GMEB1: variants seen among roughly 807,000 people sequenced by gnomAD.
The protein encoded by GMEB1 is glucocorticoid modulatory element binding protein 1.
GMEB1 carries 6 observed loss-of-function variants against 52.4 expected under a neutral mutation model. The ratio of observed to expected loss-of-function variants is 0.11; its 90% confidence interval spans 0.06 to 0.23. The LOEUF is 0.23. Among genes scored for constraint, GMEB1 ranks in the 10% least tolerant of loss-of-function variants. The probability of loss-of-function intolerance (pLI) is 1.00; values close to 1 mark genes in which losing one functional copy is unlikely to be tolerated. For synonymous variants in GMEB1, 255 were observed against 244.9 expected (o/e 1.04, Z -0.38); for missense variants, 486 against 685.6 (o/e 0.71, Z 3.25).
intron 9 of GMEB1, among the ~76,000 whole-genome samples, chr1:28,712,792 G>T (rs1285994448): frequency 6.6e-6 from 1 of 151,512 alleles, no homozygotes; most frequent in African/African-American, 2.4e-5. Context: ...AGCCAAGATC[G>T]CGCCATCACA....
intron 1 of GMEB1, among the ~76,000 whole-genome samples, chr1:28,672,996 A>G (rs1281420072): frequency 1.3e-5 from 2 of 151,720 alleles, no homozygotes; most frequent in African/African-American, 4.8e-5. Context: ...CCCGGGTTCA[A>G]GTGGTTCTCC....
chr1:28,683,488 C>A, intron 1 of GMEB1, 95 bp from the exon 2 acceptor site: 1 of 1,077,632 alleles, frequency 9.3e-7, no homozygotes. Context: ...CTAGGCCTCC[C>A]AAAGTGCTGG....
chr1:28,704,897 C>T lies in GMEB1; in HGVS notation c.868+568C>T, dbSNP rs140615988. The stretch of plus-strand genomic sequence containing the variant: ...TGCTGGGATTACAGGCATGAGCCAC[C>T]GCTCCCAGCCTACAAAAAACTTTCT... On this transcript the variant is annotated intron_variant, in intron 8 of 9. Transcript: ENST00000373816. Among the ~76,000 whole-genome samples the T allele has an allele frequency of 1.4e-3, 206 of 151,920 alleles. 1 individual carries two copies. Among genetic ancestry groups the T allele is most frequent in the Middle Eastern group, 3.4e-3 (1 of 294 alleles).
chr1:28,715,083 C>T lies in GMEB1; in HGVS notation c.*310C>T, dbSNP rs1021815350. On this transcript the variant is annotated 3_prime_UTR_variant, in exon 10 of 10. Transcript: ENST00000373816. ...CTGTCCAGAAAGCCATTTCCAGGCT[C>T]GTCTGTGTGTGTAGGCATGTGGTTT... 1.0e-5 allele frequency: 3 copies of T among 298,676 alleles called. No individual in the cohort carries two copies. Among genetic ancestry groups the T allele is most frequent in the South Asian group, 9.6e-5 (2 of 20,900 alleles). 18.5% of individuals were successfully genotyped at this position (298,676 alleles called of 1,614,324 possible).
At chr1:28,712,308 C>G (rs1217870011) in intron 9 of GMEB1, among the ~76,000 whole-genome samples, 1 of 152,110 alleles carries the variant, frequency 6.6e-6, no homozygotes, top group Non-Finnish European at 1.5e-5. Flanking sequence ...GCTCTCTGAA[C>G]CCTGTACTTT....
At position 28,704,313 on chromosome 1, in the gene GMEB1, T is replaced by C. The variant is rs2124562487; in HGVS notation, c.852T>C (p.Ala284=). 1 of 1,612,360 alleles carries C rather than the reference T, an allele frequency of 6.2e-7. No individual in the cohort carries two copies. Among genetic ancestry groups the C allele is most frequent in the Non-Finnish European group, 8.5e-7 (1 of 1,179,242 alleles). Residue 284 remains alanine, a synonymous_variant, in exon 8 of 10, where the codon GCT becomes GCC. Transcript: ENST00000373816. ...LRGVQQRLIQ[A]PFQVTDAAVL... is the part of the protein sequence containing the mutation. ...GAGTTCAGCAGCGGCTCATCCAGGC[T>C]CCCTTCCAAGTCACAGGTAAGTGCA...
At chr1:28,675,935 T>G (rs1669135027) in intron 1 of GMEB1, among the ~76,000 whole-genome samples, 2 of 152,158 alleles carry the variant, frequency 1.3e-5, no homozygotes, top group African/African-American at 4.8e-5. Context: ...TGAGTGATAC[T>G]TAACCCAAAC....
At chr1:28,669,458 G>A (rs1668779251) in intron 1 of GMEB1, among the ~76,000 whole-genome samples, 1 of 152,124 alleles carries the variant, frequency 6.6e-6, no homozygotes, top group Non-Finnish European at 1.5e-5. Flanking sequence ...TACAGAGTGG[G>A]TTCTTCTGAG....
At position 28,715,230 on chromosome 1, in the gene GMEB1, C is replaced by G. The variant is rs1367892440; in HGVS notation, c.*457C>G. On this transcript the variant is annotated 3_prime_UTR_variant, in exon 10 of 10. Transcript: ENST00000373816. ...GTATCCTGAAAAGGGCCTACAGAGG[C>G]CAGTACAAAACTCTCAAACAAAAGG... 2 of 161,300 alleles carry G rather than the reference C, an allele frequency of 1.2e-5. No individual in the cohort carries two copies. The highest frequency in any genetic ancestry group is 4.8e-5 in the African/African-American group (2 of 41,508). The allele number at this position is 161,300 out of a possible 1,614,324, so 10.0% of individuals were successfully genotyped here.
At chr1:28,704,848 T>TCCCC (rs878871054) in intron 8 of GMEB1, among the ~76,000 whole-genome samples, 2 of 151,398 alleles carry the variant, frequency 1.3e-5, no homozygotes, top group African/African-American at 2.4e-5. Context: ...CCTCAGGTGA[T>TCCCC]CCCCCCGCCT....
intron 3 of GMEB1, 33 bp from the exon 4 acceptor site, chr1:28,691,552 T>C (rs778536677): frequency 5.5e-5 from 80 of 1,466,322 alleles, no homozygotes; most frequent in Admixed American, 7.4e-5. Flanking sequence ...GAAGAGTTGT[T>C]TGATAAATAA....
At chr1:28,676,691 C>G (rs961998014) in intron 1 of GMEB1, among the ~76,000 whole-genome samples, 4 of 151,038 alleles carry the variant, frequency 2.6e-5, no homozygotes, top group Non-Finnish European at 1.5e-5. Context: ...GGGCGCTGCA[C>G]TCCAGCCTGG....
Position 28,687,381 on chromosome 1 carries a change from C to CAAAAAAAAAAAAAAAAA in GMEB1, c.129-2722_129-2721insAAAAAAAAAAAAAAAAA, listed in dbSNP as rs1157094477. Among the ~76,000 whole-genome samples, 9 of 27,164 alleles carry CAAAAAAAAAAAAAAAAA rather than the reference C, an allele frequency of 3.3e-4. 4 individuals are homozygous for CAAAAAAAAAAAAAAAAA. Among genetic ancestry groups the CAAAAAAAAAAAAAAAAA allele is most frequent in the African/African-American group, 5.0e-4 (4 of 8,018 alleles). 17.8% of individuals were successfully genotyped at this position (27,164 alleles called of 152,430 possible). A position where few individuals can be genotyped will look rare whatever the true frequency, so the allele number is the denominator to read the frequency against. On this transcript the variant is annotated intron_variant, in intron 2 of 9. Coordinates refer to ENST00000373816, the MANE Select transcript of GMEB1 (RefSeq NM_001319674.2). ...ACACACACACACACACACACACACA[C>CAAAAAAAAAAAAAAAAA]ACACACAAAAAAAGACAGTGGAGAA...
At chr1:28,688,904 T>TTTTTTTTTC (rs1228408835) in intron 2 of GMEB1, among the ~76,000 whole-genome samples, 20 of 47,060 alleles carry the variant, frequency 4.2e-4, no homozygotes, top group African/African-American at 1.6e-3. Context: ...TTTTTTTTTC[T>TTTTTTTTTC]TTTTTGAGAC....
intron 1 of GMEB1, among the ~76,000 whole-genome samples, chr1:28,670,674 C>T (rs998491833): frequency 1.1e-4 from 16 of 151,752 alleles, no homozygotes; most frequent in African/African-American, 3.6e-4. Context: ...GGGGTTTCAC[C>T]ATGTTAGCCA....
chr1:28,711,683 G>A (rs1020820109), intron 9 of GMEB1, among the ~76,000 whole-genome samples: 4 of 152,050 alleles, frequency 2.6e-5, no homozygotes, highest in African/African-American at 9.7e-5. Flanking sequence ...TCAAACTCCT[G>A]GACTCAAGTT....
At chr1:28,690,009 A>T (rs1313761193) in intron 2 of GMEB1, 95 bp from the exon 3 acceptor site, 11 of 741,864 alleles carry the variant, frequency 1.5e-5, no homozygotes, top group Non-Finnish European at 1.8e-5. Context: ...ATTTCTTTTG[A>T]GATAGTTTGA....
intron 8 of GMEB1, among the ~76,000 whole-genome samples, chr1:28,708,778 T>C (rs909606021): frequency 1.3e-5 from 2 of 150,758 alleles, no homozygotes; most frequent in African/African-American, 4.9e-5. Flanking sequence ...GGTGAATCAC[T>C]TGAGGTCAGG....
chr1:28,686,576 C>T (rs1669652539), intron 2 of GMEB1, among the ~76,000 whole-genome samples: 2 of 144,154 alleles, frequency 1.4e-5, no homozygotes, highest in African/African-American at 5.1e-5. Flanking sequence ...TTGCAGTGAG[C>T]CGAGATTGCA....
Sources: allele counts gnomAD v4.1 joint callset (sites outside exome capture counted in the v4.1 genomes callset), GRCh38; gene constraint gnomAD v4.1.1; transcripts MANE v1.5; gene names NCBI Gene and HGNC (gene_info 2026-07-23, HGNC 2026-07-21).